PDE4B: variants seen among roughly 807,000 people sequenced by gnomAD.
PDE4B encodes the protein 3',5'-cyclic-AMP phosphodiesterase 4B.
A neutral mutation model predicts 82.2 loss-of-function variants in PDE4B; 20 were observed. The ratio of observed to expected loss-of-function variants is 0.24; its 90% CI spans 0.17 to 0.35. PDE4B has a LOEUF of 0.35. Ranked by LOEUF, PDE4B falls within the 10% of genes least tolerant of loss-of-function variation. PDE4B has a pLI of 1.00. For missense variants in PDE4B, 655 were observed against 907.2 expected (o/e 0.72, Z 3.57); for synonymous variants, 320 against 318.9 (o/e 1.00, Z -0.04).
At position 66,014,914 on chromosome 1, in the gene PDE4B, G is replaced by A. The variant is rs569608048; in HGVS notation, c.281+96079G>A. 1.6e-4 allele frequency among the ~76,000 whole-genome samples: 25 copies of A among 152,276 alleles called. No homozygotes were observed. The South Asian group carries it at 5.2e-3, about 32-fold the overall frequency. The stretch of plus-strand genomic sequence containing the variant: ...GAGGAACCCTGGCCTAGAGTATAGG[G>A]AAGTACAGGTTATGTTGTAGGACTG... On this transcript the variant is annotated intron_variant, in intron 3 of 16. Transcript: ENST00000341517.
chr1:66,064,192 C>T (rs1038287485), intron 3 of PDE4B, among the ~76,000 whole-genome samples: 7 of 151,854 alleles, frequency 4.6e-5, no homozygotes, highest in South Asian at 2.1e-4. Flanking sequence ...TTGCTTCCAA[C>T]GGTGCTAATG....
chr1:66,196,489 C>A (rs1648306608), intron 3 of PDE4B, among the ~76,000 whole-genome samples: 1 of 152,204 alleles, frequency 6.6e-6, no homozygotes, highest in African/African-American at 2.4e-5. Flanking sequence ...GCCAGCACAT[C>A]TCTGTAGAGA....
At chr1:66,122,263 A>G (rs531090478) in intron 3 of PDE4B, among the ~76,000 whole-genome samples, 4 of 152,164 alleles carry the variant, frequency 2.6e-5, no homozygotes, top group Non-Finnish European at 5.9e-5. Flanking sequence ...CACTCAGACC[A>G]TGTGCCAGGG....
At chr1:65,923,579 A>C (rs1465804402) in intron 3 of PDE4B, among the ~76,000 whole-genome samples, 2 of 152,042 alleles carry the variant, frequency 1.3e-5, no homozygotes, top group African/African-American at 4.8e-5. Flanking sequence ...CCTCTGCTGG[A>C]ATTATTTGCC....
intron 3 of PDE4B, among the ~76,000 whole-genome samples, chr1:65,931,929 G>A (rs934935280): frequency 6.6e-6 from 1 of 152,188 alleles, no homozygotes; most frequent in Non-Finnish European, 1.5e-5. Flanking sequence ...CCATCCAGGG[G>A]CTGGTAAGAA....
chr1:65,917,684 T>C lies in PDE4B; in HGVS notation c.43-913T>C, dbSNP rs143406798. The stretch of plus-strand genomic sequence containing the variant: ...GTCTTCTCACAAAGTGTATGATTAA[T>C]GTCAGCATTAGGGCATGTACTTGAA... On this transcript the variant is annotated intron_variant, in intron 2 of 16. Coordinates refer to ENST00000341517, the MANE Select transcript of PDE4B (RefSeq NM_002600.4). 3.7e-3 allele frequency among the ~76,000 whole-genome samples: 556 copies of C among 152,290 alleles called. 6 individuals carry two copies. Among genetic ancestry groups the C allele is most frequent in the Non-Finnish European group, 5.5e-3 (371 of 68,018 alleles).
intron 1 of PDE4B, among the ~76,000 whole-genome samples, chr1:65,808,195 A>C (rs1347849269): frequency 1.4e-5 from 2 of 145,742 alleles, no homozygotes; most frequent in East Asian, 2.0e-4. Context: ...TTTTTGAAGC[A>C]GACTCTTGAT....
At chr1:66,182,526 AAG>A (rs1407933722) in intron 3 of PDE4B, among the ~76,000 whole-genome samples, 1 of 151,482 alleles carries the variant, frequency 6.6e-6, no homozygotes, top group African/African-American at 2.5e-5. Context: ...GAAAAAGCTG[AAG>A]AGATAATCTA....
intron 1 of PDE4B, among the ~76,000 whole-genome samples, chr1:65,841,378 A>AG (rs1646205966): frequency 1.1e-5 from 1 of 92,566 alleles, no homozygotes; most frequent in Non-Finnish European, 2.4e-5. Context: ...GGGAAAGGAA[A>AG]GGAAAGGAAG....
chr1:66,209,781 A>G (rs1200830642), intron 3 of PDE4B, among the ~76,000 whole-genome samples: 1 of 152,182 alleles, frequency 6.6e-6, no homozygotes, highest in Non-Finnish European at 1.5e-5. Context: ...AGTACAGTAT[A>G]TACTCTTTTT....
intron 9 of PDE4B, among the ~76,000 whole-genome samples, chr1:66,361,311 C>T (rs186920206): frequency 6.6e-6 from 1 of 152,246 alleles, no homozygotes; most frequent in Admixed American, 6.5e-5. Flanking sequence ...CCCTAAATTA[C>T]ACTGAAAACA....
chr1:65,867,906 T>C (rs1451914365), intron 1 of PDE4B, among the ~76,000 whole-genome samples: 1 of 152,214 alleles, frequency 6.6e-6, no homozygotes, highest in Non-Finnish European at 1.5e-5. Context: ...AAAATCCCTT[T>C]ATTTCTCCAC....
chr1:66,348,647 A>G (rs1188016752), intron 8 of PDE4B, among the ~76,000 whole-genome samples: 3 of 151,656 alleles, frequency 2.0e-5, no homozygotes, highest in Non-Finnish European at 4.4e-5. Flanking sequence ...CACATGCAAT[A>G]TCAGGACCAT....
intron 3 of PDE4B, among the ~76,000 whole-genome samples, chr1:66,196,803 C>G (rs1270531518): frequency 1.1e-5 from 1 of 90,442 alleles, no homozygotes; most frequent in Non-Finnish European, 2.1e-5. Flanking sequence ...ACTCTGGGGA[C>G]TGTGGTGGGG....
At chr1:66,170,631 C>T (rs1361733309) in intron 3 of PDE4B, among the ~76,000 whole-genome samples, 1 of 152,064 alleles carries the variant, frequency 6.6e-6, no homozygotes, top group Admixed American at 6.6e-5. Flanking sequence ...TTTTGTGTGG[C>T]TAATGAATAG....
chr1:66,240,217 G>A (rs1409117685), intron 3 of PDE4B, among the ~76,000 whole-genome samples: 2 of 152,210 alleles, frequency 1.3e-5, no homozygotes, highest in Non-Finnish European at 2.9e-5. Flanking sequence ...TCTGTGGTGG[G>A]TATCAAGGGG....
At chr1:66,350,108 ATTCTG>A (rs1661708757) in intron 8 of PDE4B, among the ~76,000 whole-genome samples, 1 of 151,980 alleles carries the variant, frequency 6.6e-6, no homozygotes, top group Non-Finnish European at 1.5e-5. Context: ...CACTGAAGGC[ATTCTG>A]TGCCTTCAGG....
intron 1 of PDE4B, among the ~76,000 whole-genome samples, chr1:65,809,724 C>G (rs1473915566): frequency 6.6e-6 from 1 of 152,150 alleles, no homozygotes; most frequent in Non-Finnish European, 1.5e-5. Context: ...TCTGAAATAG[C>G]ATTTATTATA....
At chr1:65,859,128 G>A (rs1054583864) in intron 1 of PDE4B, among the ~76,000 whole-genome samples, 1 of 151,914 alleles carries the variant, frequency 6.6e-6, no homozygotes. Flanking sequence ...TGACACCTAT[G>A]GGTTCCCTGG....
Sources: allele counts gnomAD v4.1 joint callset (sites outside exome capture counted in the v4.1 genomes callset), GRCh38; gene constraint gnomAD v4.1.1; transcripts MANE v1.5; gene names NCBI Gene and HGNC (gene_info 2026-07-23, HGNC 2026-07-21).